CNTN5: variants seen among roughly 807,000 people sequenced by gnomAD.
CNTN5 encodes the protein contactin-5.
Under a neutral mutation model 129.1 loss-of-function variants are expected in CNTN5, and 77 were observed. That is an observed-to-expected ratio of 0.60 (90% confidence interval 0.50 to 0.72). CNTN5 has a LOEUF of 0.72. CNTN5 is among the 30% of genes least tolerant of loss of function. The probability of loss-of-function intolerance (pLI) is 0.00; values close to 1 mark genes in which losing one functional copy is unlikely to be tolerated. For missense variants in CNTN5, 1,478 were observed against 1,328.8 expected (o/e 1.11, Z -1.75); for synonymous variants, 509 against 465.6 (o/e 1.09, Z -1.20).
At chr11:100,160,536 G>C (rs1423074684) in intron 13 of CNTN5, among the ~76,000 whole-genome samples, 1 of 151,874 alleles carries the variant, frequency 6.6e-6, no homozygotes, top group Non-Finnish European at 1.5e-5. Flanking sequence ...TTCATCAAGA[G>C]AGAAGAGAGT....
At chr11:100,171,480 CT>C (rs1379969934) in intron 13 of CNTN5, among the ~76,000 whole-genome samples, 1 of 152,016 alleles carries the variant, frequency 6.6e-6, no homozygotes, top group African/African-American at 2.4e-5. Context: ...TTAAGAAATA[CT>C]GTCAGGCTTC....
At chr11:99,893,215 T>C (rs775846852) in intron 6 of CNTN5, among the ~76,000 whole-genome samples, 1 of 152,118 alleles carries the variant, frequency 6.6e-6, no homozygotes, top group East Asian at 1.9e-4. Flanking sequence ...ATCTCCAATA[T>C]GAACAAAGAA....
rs1237677408 is a variant in CNTN5, at chr11:99,675,174, GACTA to G, written c.55+118910_55+118913del. On this transcript the variant is annotated intron_variant, in intron 3 of 24. Transcript: ENST00000524871. Reference sequence around the variant, plus strand: ...TCCTAAATTTCTCTGAATAATTATTGACTAACTAGTGCTAAATGAGTACAATCTA... The same window carrying G: ...TCCTAAATTTCTCTGAATAATTATTGACTAGTGCTAAATGAGTACAATCTA... Among the ~76,000 whole-genome samples, 22 of 152,010 alleles carry G rather than the reference GACTA, an allele frequency of 1.4e-4. 1 individual carries two copies. Among genetic ancestry groups the G allele is most frequent in the South Asian group, 2.1e-4 (1 of 4,830 alleles).
chr11:100,078,618 A>G (rs1158458220), intron 13 of CNTN5, among the ~76,000 whole-genome samples: 7 of 152,176 alleles, frequency 4.6e-5, no homozygotes, highest in Non-Finnish European at 1.0e-4. Flanking sequence ...TGCTCTGCTT[A>G]TCCTGCAGAT....
intron 16 of CNTN5, among the ~76,000 whole-genome samples, chr11:100,231,929 A>C (rs1243267054): frequency 6.6e-6 from 1 of 152,142 alleles, no homozygotes; most frequent in East Asian, 1.9e-4. Flanking sequence ...CAAGGTGGGC[A>C]GATCACTTGA....
intron 13 of CNTN5, among the ~76,000 whole-genome samples, chr11:100,184,866 T>C (rs1948249214): frequency 6.6e-6 from 1 of 152,054 alleles, no homozygotes; most frequent in Non-Finnish European, 1.5e-5. Flanking sequence ...CTCATCTACA[T>C]TGTAATCCCT....
At chr11:99,870,216 C>A (rs919974956) in intron 6 of CNTN5, among the ~76,000 whole-genome samples, 7 of 152,042 alleles carry the variant, frequency 4.6e-5, no homozygotes, top group South Asian at 4.2e-4. Context: ...TTTTTTTTAA[C>A]TGAAGGCAAA....
intron 1 of CNTN5, among the ~76,000 whole-genome samples, chr11:99,099,146 A>G (rs1866606266): frequency 6.6e-6 from 1 of 152,140 alleles, no homozygotes; most frequent in Admixed American, 6.6e-5. Context: ...TTCAGTCAAG[A>G]AATTTACCAG....
At chr11:99,319,999 G>A (rs571523311) in intron 1 of CNTN5, among the ~76,000 whole-genome samples, 346 of 152,276 alleles carry the variant, frequency 2.3e-3, no homozygotes, top group African/African-American at 8.2e-3. Flanking sequence ...CAGCATTATG[G>A]GAGGCAGAGG....
chr11:100,106,372 T>G (rs1945432219), intron 13 of CNTN5, among the ~76,000 whole-genome samples: 1 of 152,188 alleles, frequency 6.6e-6, no homozygotes, highest in Non-Finnish European at 1.5e-5. Flanking sequence ...GCTAAGCAGA[T>G]AGCTAGACTG....
At chr11:100,277,185 T>A (rs1383861553) in intron 18 of CNTN5, among the ~76,000 whole-genome samples, 3 of 152,216 alleles carry the variant, frequency 2.0e-5, no homozygotes, top group African/African-American at 7.2e-5. Flanking sequence ...TAATACTACG[T>A]TGTGTACAAG....
chr11:99,264,632 T>G (rs1267595972), intron 1 of CNTN5, among the ~76,000 whole-genome samples: 1 of 152,086 alleles, frequency 6.6e-6, no homozygotes, highest in Non-Finnish European at 1.5e-5. Context: ...AAACCTTCCT[T>G]TAGAATTTGT....
In CNTN5 at chr11:99,428,036, T is replaced by C. The variant is rs530466306; in HGVS notation, c.-71+102552T>C. On this transcript the variant is annotated intron_variant, in intron 2 of 24. Coordinates refer to ENST00000524871, the MANE Select transcript of CNTN5 (RefSeq NM_014361.4). ...TGTGAGATGCTTAGACTTCCTCTTTTAGCCTAATTATTCCTCTTTCTTAAA... is the reference window on the plus strand; with the variant it reads ...TGTGAGATGCTTAGACTTCCTCTTTCAGCCTAATTATTCCTCTTTCTTAAA... Among the ~76,000 whole-genome samples the C allele has an allele frequency of 2.0e-5, 3 of 152,188 alleles. No individual in the cohort carries two copies. In the East Asian group the frequency reaches 5.8e-4, roughly 30 times the overall value.
intron 2 of CNTN5, among the ~76,000 whole-genome samples, chr11:99,427,852 T>C (rs1192666635): frequency 6.6e-6 from 1 of 151,930 alleles, no homozygotes; most frequent in Non-Finnish European, 1.5e-5. Context: ...ATTTTGGTTT[T>C]TTAAACAATT....
chr11:99,317,481 C>T (rs907658431), intron 1 of CNTN5, among the ~76,000 whole-genome samples: 12 of 151,688 alleles, frequency 7.9e-5, no homozygotes, highest in African/African-American at 2.2e-4. Flanking sequence ...ATGTGAGAAA[C>T]GAGTTCAGAC....
At chr11:99,518,388 C>T (rs1334731091) in intron 2 of CNTN5, among the ~76,000 whole-genome samples, 1 of 151,992 alleles carries the variant, frequency 6.6e-6, no homozygotes, top group African/African-American at 2.4e-5. Flanking sequence ...AAACATTTAT[C>T]AACAAAAATA....
rs149669315 is a variant in CNTN5, at chr11:99,858,541, C to T, written c.577+13279C>T. ...ATAAGAATACTAACAGTTGCCAAAG[C>T]TATCAATGTTTCCCTATCCTCCATT... On this transcript the variant is annotated intron_variant, in intron 6 of 24. Transcript: ENST00000524871. Among the ~76,000 whole-genome samples the T allele has an allele frequency of 7.6e-3, 1,151 of 151,822 alleles. 14 individuals are homozygous for T. Among genetic ancestry groups the T allele is most frequent in the African/African-American group, 0.026 (1,083 of 41,440 alleles).
At chr11:99,251,545 A>T (rs1454681567) in intron 1 of CNTN5, among the ~76,000 whole-genome samples, 1 of 151,878 alleles carries the variant, frequency 6.6e-6, no homozygotes, top group Non-Finnish European at 1.5e-5. Flanking sequence ...AGATGGCAAC[A>T]TTTCAAGTAA....
chr11:99,157,910 T>A (rs1280697036), intron 1 of CNTN5, among the ~76,000 whole-genome samples: 2 of 152,188 alleles, frequency 1.3e-5, no homozygotes, highest in African/African-American at 4.8e-5. Context: ...CTGAGGTTTG[T>A]ACAGGGCACA....
Sources: allele counts gnomAD v4.1 joint callset (sites outside exome capture counted in the v4.1 genomes callset), GRCh38; gene constraint gnomAD v4.1.1; transcripts MANE v1.5; gene names NCBI Gene and HGNC (gene_info 2026-07-23, HGNC 2026-07-21).